The following MORC1 variants were observed in gnomAD, a reference collection of about 807,000 sequenced individuals.
MORC1 encodes the protein MORC family CW-type zinc finger protein 1.
Under a neutral mutation model 134.9 loss-of-function variants are expected in MORC1, and 59 were observed. That is an observed-to-expected ratio of 0.44 (90% CI 0.35 to 0.54). MORC1 has a LOEUF of 0.54. Ranked by LOEUF, MORC1 falls within the 20% of genes least tolerant of loss-of-function variation. The pLI is 0.00. For missense variants in MORC1, 947 were observed against 1,134.5 expected, an observed-to-expected ratio of 0.83 and a Z score of 2.37; for synonymous variants, 395 against 391.7, an observed-to-expected ratio of 1.01 and a Z score of -0.10.
chr3:108,975,027 ATTCCTT>A (rs1300545364), intron 24 of MORC1, among the ~76,000 whole-genome samples: 2 of 152,210 alleles, frequency 1.3e-5, no homozygotes, highest in African/African-American at 4.8e-5. Flanking sequence ...CCATAGTCAT[ATTCCTT>A]TCTCAACAAA....
intron 1 of MORC1, among the ~76,000 whole-genome samples, chr3:109,116,063 G>A (rs1369947856): frequency 1.3e-5 from 2 of 152,166 alleles, no homozygotes; most frequent in African/African-American, 4.8e-5. Flanking sequence ...AGTGAGCTCC[G>A]CTTATGGTAA....
chr3:109,085,192 CTGTG>C (rs771853656), intron 8 of MORC1, among the ~76,000 whole-genome samples: 24 of 150,980 alleles, frequency 1.6e-4, no homozygotes, highest in Non-Finnish European at 3.1e-4. Context: ...GTGTGTCTGT[CTGTG>C]TATGTGTCTG....
chr3:109,030,746 CAG>C (rs1157584260), intron 16 of MORC1, among the ~76,000 whole-genome samples: 1 of 152,140 alleles, frequency 6.6e-6, no homozygotes, highest in Non-Finnish European at 1.5e-5. Context: ...GTAAAAGAGA[CAG>C]AATTAAATCA....
chr3:109,083,158 T>C (rs1576723669), intron 8 of MORC1, among the ~76,000 whole-genome samples: 1 of 152,112 alleles, frequency 6.6e-6, no homozygotes, highest in East Asian at 1.9e-4. Flanking sequence ...AATGCTGCTA[T>C]TCAAGAACAC....
intron 24 of MORC1, among the ~76,000 whole-genome samples, 184 bp downstream of exon 24, chr3:108,979,331 G>C (rs1300133169): frequency 6.6e-6 from 1 of 152,168 alleles, no homozygotes; most frequent in Non-Finnish European, 1.5e-5. Context: ...GCAGTTACCA[G>C]TTCTATTACA....
chr3:109,065,062 A>T (rs891802391), intron 9 of MORC1, among the ~76,000 whole-genome samples: 1 of 152,096 alleles, frequency 6.6e-6, no homozygotes, highest in African/African-American at 2.4e-5. Flanking sequence ...GACACTTTTC[A>T]TCCCTTCCAC....
chr3:109,117,215 C>A (rs1201900928), intron 1 of MORC1, among the ~76,000 whole-genome samples: 1 of 151,664 alleles, frequency 6.6e-6, no homozygotes, highest in Admixed American at 6.6e-5. Flanking sequence ...GTCTGTCCCA[C>A]AGAGCAAGGG....
At chr3:109,044,007 T>C (rs1429240498) in intron 14 of MORC1, among the ~76,000 whole-genome samples, 1 of 152,190 alleles carries the variant, frequency 6.6e-6, no homozygotes, top group Non-Finnish European at 1.5e-5. Context: ...AGTAGATGGC[T>C]GAAAGCACAC....
chr3:109,035,047 C>G (rs559906314), intron 15 of MORC1, among the ~76,000 whole-genome samples: 25 of 152,236 alleles, frequency 1.6e-4, no homozygotes, highest in African/African-American at 6.0e-4. Flanking sequence ...CCATGCCTGG[C>G]CTGAAACTAG....
intron 8 of MORC1, among the ~76,000 whole-genome samples, chr3:109,087,663 C>T (rs1950640957): frequency 6.6e-6 from 1 of 152,018 alleles, no homozygotes; most frequent in Admixed American, 6.6e-5. Context: ...AAGCAATTTA[C>T]AGATTCAATG....
At chr3:108,962,717 T>C (rs1383374415) in intron 27 of MORC1, among the ~76,000 whole-genome samples, 1 of 152,182 alleles carries the variant, frequency 6.6e-6, no homozygotes, top group Non-Finnish European at 1.5e-5. Context: ...ATATTTTCAG[T>C]TTTGTTGTAT....
chr3:109,091,403 C>T (rs1950720976), intron 8 of MORC1, among the ~76,000 whole-genome samples: 1 of 151,562 alleles, frequency 6.6e-6, no homozygotes, highest in Non-Finnish European at 1.5e-5. Flanking sequence ...AAGATGGCAC[C>T]ACTGCACTCC....
intron 27 of MORC1, among the ~76,000 whole-genome samples, chr3:108,962,788 A>G (rs1947115604): frequency 6.7e-6 from 1 of 149,046 alleles, no homozygotes; most frequent in South Asian, 2.1e-4. Flanking sequence ...TCAACCTATC[A>G]CATAACTCAA....
intron 11 of MORC1, 91 bp from the exon 12 acceptor site, chr3:109,059,961 G>A (rs1950042689): frequency 6.8e-6 from 7 of 1,026,478 alleles, no homozygotes; most frequent in South Asian, 1.5e-5. Flanking sequence ...ATGTTTCAAG[G>A]GTAACAATAG....
rs374997272 is a variant in MORC1 at position 109,012,604 on chromosome 3, G to A, written c.1705-5513C>T. Reference sequence around the variant, plus strand: ...TTAATGTTTTCAGCAGTGTTCTACAGCTTTCAGTGTACAGGTCTTACATGT... The same window carrying A: ...TTAATGTTTTCAGCAGTGTTCTACAACTTTCAGTGTACAGGTCTTACATGT... On this transcript the variant is annotated intron_variant, in intron 17 of 27. Transcript: ENST00000232603. Among the ~76,000 whole-genome samples, 44 of 152,256 alleles carry A rather than the reference G, an allele frequency of 2.9e-4. 1 individual carries two copies. In the South Asian group the frequency reaches 8.7e-3, roughly 30 times the overall value.
At chr3:109,030,205 T>C (rs1458291927) in intron 16 of MORC1, among the ~76,000 whole-genome samples, 1 of 152,212 alleles carries the variant, frequency 6.6e-6, no homozygotes, top group Non-Finnish European at 1.5e-5. Flanking sequence ...ACTCACAGAC[T>C]ATTCCCTAAT....
chr3:109,085,271 A>T (rs1217367887), intron 8 of MORC1, among the ~76,000 whole-genome samples: 2 of 152,090 alleles, frequency 1.3e-5, no homozygotes, highest in Non-Finnish European at 2.9e-5. Flanking sequence ...CATTACATCA[A>T]GCTAAAAAGT....
chr3:109,070,957 A>G (rs1950303422), intron 8 of MORC1, among the ~76,000 whole-genome samples: 1 of 152,210 alleles, frequency 6.6e-6, no homozygotes, highest in Non-Finnish European at 1.5e-5. Flanking sequence ...TATCTAGTCC[A>G]TCACTCTTAT....
chr3:109,114,581 C>T (rs1430920394), intron 1 of MORC1, 144 bp from the exon 2 acceptor site: 10 of 678,210 alleles, frequency 1.5e-5, no homozygotes, highest in Non-Finnish European at 2.2e-5. Flanking sequence ...TCTCTCAGCA[C>T]GGTCAAGATT....
Sources: allele counts gnomAD v4.1 joint callset (sites outside exome capture counted in the v4.1 genomes callset), GRCh38; gene constraint gnomAD v4.1.1; transcripts MANE v1.5; gene names NCBI Gene and HGNC (gene_info 2026-07-23, HGNC 2026-07-21).